Variants in KCNN2 observed in about 807,000 individuals in gnomAD.
KCNN2 encodes small conductance calcium-activated potassium channel protein 2.
Under a neutral mutation model 55.5 loss-of-function variants are expected in KCNN2, and 24 were observed. That is an observed-to-expected ratio of 0.43 (90% CI 0.31 to 0.61). KCNN2 has a LOEUF of 0.61. Among genes scored for constraint, KCNN2 ranks in the 20% least tolerant of loss-of-function variants. KCNN2 has a pLI of 0.08. For synonymous variants in KCNN2, 431 were observed against 336.1 expected (o/e 1.28, Z -3.09); for missense variants, 754 against 853.6 (o/e 0.88, Z 1.45).
chr5:114,235,605 T>C (rs535570254), intron 2 of KCNN2, among the ~76,000 whole-genome samples: 6 of 152,234 alleles, frequency 3.9e-5, no homozygotes, highest in Non-Finnish European at 8.8e-5. Context: ...CGTGTATACA[T>C]GTGCTTTTGC....
At chr5:114,061,900 A>G (rs1405732052) in intron 1 of KCNN2, among the ~76,000 whole-genome samples, 1 of 152,186 alleles carries the variant, frequency 6.6e-6, no homozygotes, top group African/African-American at 2.4e-5. Flanking sequence ...AAGCTTGTCC[A>G]GTCAACTGGA....
At chr5:114,290,748 G>A (rs968344674) in intron 2 of KCNN2, among the ~76,000 whole-genome samples, 3 of 151,972 alleles carry the variant, frequency 2.0e-5, no homozygotes, top group Non-Finnish European at 4.4e-5. Flanking sequence ...TCTGAACACC[G>A]CTTTTACTGT....
intron 2 of KCNN2, among the ~76,000 whole-genome samples, chr5:114,246,893 G>T (rs900448762): frequency 6.6e-6 from 1 of 151,444 alleles, no homozygotes; most frequent in African/African-American, 2.4e-5. Context: ...TGAATTATTC[G>T]AATGTTTTTA....
intron 2 of KCNN2, among the ~76,000 whole-genome samples, chr5:114,243,950 A>G (rs926221025): frequency 2.6e-5 from 4 of 152,206 alleles, no homozygotes; most frequent in Admixed American, 2.6e-4. Context: ...GATTGCAAGT[A>G]CTGGATCCCA....
At chr5:114,485,263 C>T (rs991227575) in intron 5 of KCNN2, among the ~76,000 whole-genome samples, 3 of 152,060 alleles carry the variant, frequency 2.0e-5, no homozygotes, top group Non-Finnish European at 2.9e-5. Flanking sequence ...TCTATGCCTT[C>T]GACTGGTAAA....
At position 114,376,917 on chromosome 5, in the gene KCNN2, T is replaced by A. The variant is rs370425577; in HGVS notation, c.1218+12916T>A. On this transcript the variant is annotated intron_variant, in intron 2 of 7. Coordinates refer to ENST00000673685, the MANE Select transcript of KCNN2 (RefSeq NM_021614.4). ...GCCTGGGCAACATAGCAAGACCCCA[T>A]CTGTGCAAAAGTAAATAAATGAAAC... Among the ~76,000 whole-genome samples, 20 of 152,084 alleles carry A rather than the reference T, an allele frequency of 1.3e-4. No individual in the cohort carries two copies. In the East Asian group the frequency reaches 3.9e-3, roughly 30 times the overall value.
intron 1 of KCNN2, among the ~76,000 whole-genome samples, chr5:114,107,782 A>G (rs532108302): frequency 1.3e-4 from 20 of 152,168 alleles, no homozygotes; most frequent in African/African-American, 4.3e-4. Flanking sequence ...AATTTTATCT[A>G]TCTATCTGTA....
In KCNN2 at chr5:114,342,051, G is replaced by A. The variant is rs567436147; in HGVS notation, c.-184-18894G>A. ...CAAGTAGCTGGGACTACAGGCACCC[G>A]CCACCATGCCTGGCTAATTTTTTGT... On this transcript the variant is annotated intron_variant, in intron 2 of 10. Transcript: ENST00000512097. Among the ~76,000 whole-genome samples, 36 of 151,942 alleles carry A rather than the reference G, an allele frequency of 2.4e-4. No individual in the cohort carries two copies. The East Asian group carries it at 5.4e-3, about 23-fold the overall frequency.
chr5:114,127,519 C>A, intron 1 of KCNN2, among the ~76,000 whole-genome samples: 1 of 152,186 alleles, frequency 6.6e-6, no homozygotes, highest in East Asian at 1.9e-4. Context: ...CTGCACACAG[C>A]AGGGGAGCCC....
chr5:114,460,395 A>G (rs1319114704), intron 3 of KCNN2, among the ~76,000 whole-genome samples: 1 of 151,972 alleles, frequency 6.6e-6, no homozygotes, highest in Non-Finnish European at 1.5e-5. Flanking sequence ...GGCTTACACT[A>G]CCATACCTGG....
chr5:114,130,617 A>G (rs1327162669), intron 1 of KCNN2, among the ~76,000 whole-genome samples: 1 of 152,138 alleles, frequency 6.6e-6, no homozygotes, highest in African/African-American at 2.4e-5. Context: ...TTAGATGTAG[A>G]GTTAGTCTGT....
chr5:114,187,451 G>A (rs1435541294), intron 1 of KCNN2, among the ~76,000 whole-genome samples: 2 of 150,718 alleles, frequency 1.3e-5, no homozygotes, highest in Non-Finnish European at 2.9e-5. Flanking sequence ...CTAACCTTTT[G>A]GAATATAAAT....
chr5:114,455,013 C>G (rs1222361409), intron 3 of KCNN2, among the ~76,000 whole-genome samples: 1 of 151,998 alleles, frequency 6.6e-6, no homozygotes, highest in Non-Finnish European at 1.5e-5. Context: ...ATTTCTGGCT[C>G]TCTTGGGATT....
At chr5:114,132,559 T>C (rs1752093357) in intron 1 of KCNN2, among the ~76,000 whole-genome samples, 1 of 152,192 alleles carries the variant, frequency 6.6e-6, no homozygotes, top group African/African-American at 2.4e-5. Flanking sequence ...ATTAAGGAAG[T>C]AGTTTTGGAT....
chr5:114,248,247 C>T (rs1222850733), intron 2 of KCNN2, among the ~76,000 whole-genome samples: 1 of 152,110 alleles, frequency 6.6e-6, no homozygotes. Context: ...GAGTTGGTGT[C>T]ATCCTCTTAA....
In KCNN2 at chr5:114,496,470, A is replaced by G. The variant is rs1247467595; in HGVS notation, c.*288A>G. On this transcript the variant is annotated 3_prime_UTR_variant, in exon 8 of 8. Transcript: ENST00000673685. ...AAACTTTACTACTACATTATATGATATATAATAAAAAAAGTTAATTTCTGC... is the reference window on the plus strand; with the variant it reads ...AAACTTTACTACTACATTATATGATGTATAATAAAAAAAGTTAATTTCTGC... 1.2e-5 allele frequency: 3 copies of G among 254,402 alleles called. No homozygotes were observed. Among genetic ancestry groups the G allele is most frequent in the Non-Finnish European group, 2.2e-5 (3 of 134,918 alleles). The allele number at this position is 254,402 out of a possible 1,614,324, so 15.8% of individuals were successfully genotyped here.
At chr5:114,301,052 A>ATAT (rs1554080365) in intron 2 of KCNN2, among the ~76,000 whole-genome samples, 14 of 150,042 alleles carry the variant, frequency 9.3e-5, no homozygotes, top group Non-Finnish European at 1.3e-4. Flanking sequence ...TTTATTAAAT[A>ATAT]TTTTTTTTTT....
chr5:114,124,196 G>A (rs2954363), intron 1 of KCNN2, among the ~76,000 whole-genome samples: 79,985 of 152,002 alleles, frequency 0.53, 22,535 homozygotes, highest in African/African-American at 0.74. Flanking sequence ...ATTATCAAAG[G>A]GATAACTTCA....
intron 2 of KCNN2, among the ~76,000 whole-genome samples, chr5:114,243,616 T>TG (rs1713760835): frequency 6.6e-6 from 1 of 152,230 alleles, no homozygotes; most frequent in South Asian, 2.1e-4. Flanking sequence ...AGAGTAGTGT[T>TG]GCTGGCATAT....
Sources: gnomAD v4.1 joint callset for allele counts (sites outside exome capture counted in the v4.1 genomes callset) on GRCh38, gnomAD v4.1.1 for gene constraint, MANE v1.5 for transcripts, NCBI Gene and HGNC (gene_info 2026-07-23, HGNC 2026-07-21) for gene names.